POLB: variants seen among roughly 807,000 people sequenced by gnomAD.
The protein encoded by POLB is 5'-dRP lyase.
POLB carries 37 observed loss-of-function variants against 52.7 expected under a neutral mutation model. That is an observed-to-expected ratio of 0.70 (90% CI 0.54 to 0.92). The LOEUF (loss-of-function observed/expected upper bound fraction) is 0.92. Among genes scored for constraint, POLB ranks in the 40% least tolerant of loss-of-function variants. The probability of loss-of-function intolerance (pLI) is 0.00; values close to 1 mark genes in which losing one functional copy is unlikely to be tolerated. For missense variants in POLB, 313 were observed against 400.8 expected (o/e 0.78, Z 1.87); for synonymous variants, 138 against 131.3 (o/e 1.05, Z -0.35).
At chr8:42,354,395 A>C in intron 6 of POLB, 1 of 1,091,998 alleles carries the variant, frequency 9.2e-7, no homozygotes, top group Middle Eastern at 2.3e-4. Context: ...AAGCATGCTT[A>C]TCTTGCTGTT....
intron 3 of POLB, among the ~76,000 whole-genome samples, chr8:42,347,547 A>G (rs1822711749): frequency 6.6e-6 from 1 of 151,980 alleles, no homozygotes; most frequent in South Asian, 2.1e-4. Context: ...GAAATCTGAA[A>G]TTTCCAGAAT....
rs987433185 is a variant in POLB at position 42,355,531 on chromosome 8, A to G, written c.386A>G (p.Glu129Gly). The G allele has an allele frequency of 1.3e-5, 21 of 1,582,230 alleles. No individual in the cohort carries two copies. The Admixed American group carries it at 3.4e-4, about 25-fold the overall frequency. ...TTCTATACAGATCTCAGAAAAAATG[A>G]AGATAAATTGAACCATCATCAGCGA... ...IKTLEDLRKN[E>G]DKLNHHQRIG... The change falls in exon 7 of 14, where the codon GAA becomes GGA. Residue 129 changes from glutamate to glycine, a missense_variant. This residue lies in a region of POLB where 246 missense variants were observed against 297.6 expected (regional missense o/e 0.83). Transcript: ENST00000265421.
At chr8:42,346,315 G>A (rs563707128) in intron 3 of POLB, among the ~76,000 whole-genome samples, 2 of 151,804 alleles carry the variant, frequency 1.3e-5, no homozygotes, top group African/African-American at 4.8e-5. Context: ...TGGAATTTAA[G>A]AATTAATATT....
chr8:42,360,235 G>A lies in POLB; in HGVS notation c.551-1060G>A, dbSNP rs563995602. On this transcript the variant is annotated intron_variant, in intron 9 of 13. Transcript: ENST00000265421. ...GCCTCCCAAAGTGCTAGGATTACAC[G>A]TGTGAGCCACCTTGCCCGGCCTGGC... 9.2e-5 allele frequency among the ~76,000 whole-genome samples: 14 copies of A among 151,912 alleles called. No individual in the cohort carries two copies. In the South Asian group the frequency reaches 1.5e-3, roughly 16 times the overall value.
chr8:42,342,838 A>T (rs1822295981), intron 2 of POLB, among the ~76,000 whole-genome samples: 1 of 152,148 alleles, frequency 6.6e-6, no homozygotes, highest in Non-Finnish European at 1.5e-5. Context: ...GCATTAAAAA[A>T]AAATAAATTG....
At chr8:42,354,725 G>T (rs1398357547) in intron 6 of POLB, among the ~76,000 whole-genome samples, 2 of 151,640 alleles carry the variant, frequency 1.3e-5, no homozygotes, top group Non-Finnish European at 2.9e-5. Flanking sequence ...TGAAGTTTTA[G>T]TGGAGACAGA....
In POLB at chr8:42,362,609, C is replaced by T; in HGVS notation, c.622-3C>T. 4 of 1,581,746 alleles carry T rather than the reference C, an allele frequency of 2.5e-6. No individual in the cohort carries two copies. The highest frequency in any genetic ancestry group is 1.3e-5 in the African/African-American group (1 of 74,282). ...TTCTTATTCCCTAATTATGATTCTA[C>T]AGCCAAAACTGTTACATCAGGTTGT... is the stretch of plus-strand genomic sequence containing the variant. On this transcript the variant is annotated splice_polypyrimidine_tract_variant and splice_region_variant and intron_variant, in intron 10 of 13. Coordinates refer to ENST00000265421, the MANE Select transcript of POLB (RefSeq NM_002690.3).
intron 5 of POLB, among the ~76,000 whole-genome samples, chr8:42,350,748 G>A (rs1036240769): frequency 1.3e-5 from 2 of 151,984 alleles, no homozygotes; most frequent in Non-Finnish European, 2.9e-5. Context: ...TCTTTAAATG[G>A]CAGCATTTTC....
At chr8:42,355,099 C>G (rs769895255) in intron 6 of POLB, among the ~76,000 whole-genome samples, 5 of 151,770 alleles carry the variant, frequency 3.3e-5, no homozygotes, top group Non-Finnish European at 5.9e-5. Context: ...ATTGCAGTGG[C>G]GCAATCTCGG....
At chr8:42,371,422 GGT>G in intron 13 of POLB, 139 bp from the exon 14 acceptor site, 12 of 432,094 alleles carry the variant, frequency 2.8e-5, no homozygotes, top group East Asian at 1.6e-4. Context: ...CACATCCGCC[GGT>G]CTTTTTTTTT....
At chr8:42,356,512 G>A (rs1252479834) in intron 7 of POLB, among the ~76,000 whole-genome samples, 1 of 152,192 alleles carries the variant, frequency 6.6e-6, no homozygotes, top group African/African-American at 2.4e-5. Flanking sequence ...GTTGTGCACA[G>A]TGTAGGAACC....
chr8:42,342,637 T>C, intron 2 of POLB: 1 of 626,266 alleles, frequency 1.6e-6, no homozygotes, highest in Non-Finnish European at 2.9e-6. Context: ...AAGTCCATCC[T>C]GTGGAACAGA....
chr8:42,342,483 C>A, intron 2 of POLB: 1 of 1,063,640 alleles, frequency 9.4e-7, no homozygotes, highest in South Asian at 1.2e-5. Context: ...TATGAACTAT[C>A]ATCCTCTATT....
chr8:42,344,803 G>A (rs1822505396), intron 2 of POLB, 150 bp from the exon 3 acceptor site: 1 of 562,228 alleles, frequency 1.8e-6, no homozygotes, highest in Non-Finnish European at 3.2e-6. Context: ...AACAGAGGGA[G>A]ACTGTCTCAA....
At chr8:42,342,068 A>T in intron 2 of POLB, 1 of 932,152 alleles carries the variant, frequency 1.1e-6, no homozygotes, top group Non-Finnish European at 1.8e-6. Flanking sequence ...CTTCTGGTGT[A>T]ATTCTGCATT....
intron 3 of POLB, 137 bp downstream of exon 3, chr8:42,345,156 A>G (rs2130785716): frequency 1.6e-6 from 1 of 639,004 alleles, no homozygotes; most frequent in South Asian, 2.0e-5. Flanking sequence ...TCTTGGAATA[A>G]CATTCATGCT....
intron 11 of POLB, among the ~76,000 whole-genome samples, chr8:42,365,767 A>G (rs1823999555): frequency 6.6e-6 from 1 of 152,188 alleles, no homozygotes; most frequent in African/African-American, 2.4e-5. Flanking sequence ...ATCCAGAGGA[A>G]AAACCAACAG....
intron 11 of POLB, among the ~76,000 whole-genome samples, chr8:42,367,531 T>C (rs753477189): frequency 6.6e-6 from 1 of 152,232 alleles, no homozygotes; most frequent in Admixed American, 6.5e-5. Flanking sequence ...GGAAATTGGC[T>C]GCAAAATGAA....
At chr8:42,357,571 C>A in intron 9 of POLB, 179 bp downstream of exon 9, 1 of 485,510 alleles carries the variant, frequency 2.1e-6, no homozygotes, top group Admixed American at 4.0e-5. Flanking sequence ...GGAAATTCAT[C>A]CTGATTTTAT....
Sources: allele counts gnomAD v4.1 joint callset (sites outside exome capture counted in the v4.1 genomes callset), GRCh38; gene constraint gnomAD v4.1.1; regional missense constraint gnomAD v4.1.1; transcripts MANE v1.5; gene names NCBI Gene and HGNC (gene_info 2026-07-23, HGNC 2026-07-21).